Variants in HOOK1 observed in about 807,000 individuals in gnomAD.
HOOK1 encodes the protein hook microtubule tethering protein 1.
In HOOK1, 60 loss-of-function variants were observed where a neutral mutation model predicts 112.8. The ratio of observed to expected loss-of-function variants is 0.53; its 90% CI spans 0.43 to 0.66. The LOEUF is 0.66. HOOK1 is among the 30% of genes least tolerant of loss of function. HOOK1 has a pLI of 0.00. For synonymous variants in HOOK1, 294 were observed against 283.8 expected (o/e 1.04, Z -0.36); for missense variants, 770 against 856.0 (o/e 0.90, Z 1.25).
chr1:59,868,969 A>G (rs1331018520), intron 20 of HOOK1, among the ~76,000 whole-genome samples: 1 of 152,222 alleles, frequency 6.6e-6, no homozygotes, highest in African/African-American at 2.4e-5. Context: ...AGCCTTAGGT[A>G]AGTATGTCAC....
intron 2 of HOOK1, 52 bp downstream of exon 2, chr1:59,821,995 C>A: frequency 7.2e-7 from 1 of 1,392,412 alleles, no homozygotes; most frequent in Non-Finnish European, 1.0e-6. Context: ...CAATACATAC[C>A]AAGGAAGAAA....
intron 2 of HOOK1, 29 bp downstream of exon 2, chr1:59,821,972 A>T: frequency 1.3e-6 from 2 of 1,557,432 alleles, no homozygotes; most frequent in Non-Finnish European, 1.8e-6. Flanking sequence ...CTCCCTGAAA[A>T]GCATTGTAAA....
At chr1:59,827,018 G>GC (rs910978482) in intron 2 of HOOK1, among the ~76,000 whole-genome samples, 1 of 152,102 alleles carries the variant, frequency 6.6e-6, no homozygotes, top group Non-Finnish European at 1.5e-5. Context: ...GGCTGCCTCG[G>GC]CCCCCCAAAG....
chr1:59,858,846 A>G, intron 13 of HOOK1, 139 bp from the exon 14 acceptor site: 1 of 373,166 alleles, frequency 2.7e-6, no homozygotes, highest in Non-Finnish European at 4.9e-6. Flanking sequence ...AGGGGAGGGG[A>G]GCGGGGAATT....
At position 59,832,187 on chromosome 1, in the gene HOOK1, C is replaced by A; in HGVS notation, c.247C>A (p.Gln83Lys). 6.4e-7 allele frequency: 1 copy of A among 1,554,504 alleles called. No homozygotes were observed. ...IKASNVKKVL[Q>K]GIMSYYHEFL... Reference sequence around the variant, plus strand: ...GGCCAGTAATGTAAAGAAGGTCCTTCAAGGAATTATGAGTTATTATCATGA... The same window carrying A: ...GGCCAGTAATGTAAAGAAGGTCCTTAAAGGAATTATGAGTTATTATCATGA... Residue 83 changes from glutamine (Q) to lysine (K), a missense_variant, in exon 4 of 22, where the codon CAA becomes AAA. By Grantham distance (53) the Gln-to-Lys change is moderately conservative. Transcript: ENST00000371208.
chr1:59,815,422 T>A (rs1238033384), intron 1 of HOOK1: 4 of 554,838 alleles, frequency 7.2e-6, no homozygotes, highest in Non-Finnish European at 1.3e-5. Context: ...GTGGAGGCTC[T>A]GGTCTCAACC....
chr1:59,848,570 A>T, intron 11 of HOOK1, 54 bp downstream of exon 11: 1 of 1,227,956 alleles, frequency 8.1e-7, no homozygotes, highest in South Asian at 1.3e-5. Context: ...TAACTTTGTT[A>T]TTCCTTTTGA....
intron 6 of HOOK1, among the ~76,000 whole-genome samples, chr1:59,836,662 A>G (rs999963375): frequency 2.0e-5 from 3 of 152,166 alleles, no homozygotes; most frequent in Non-Finnish European, 4.4e-5. Context: ...TTAAAGCACA[A>G]TTTACTTATA....
chr1:59,841,185 A>G (rs755937354), intron 8 of HOOK1, among the ~76,000 whole-genome samples: 1 of 152,178 alleles, frequency 6.6e-6, no homozygotes, highest in African/African-American at 2.4e-5. Flanking sequence ...ACAAATGTGC[A>G]TATTATGCAA....
In HOOK1 at chr1:59,874,608, T is replaced by G. The variant is rs983009601; in HGVS notation, c.*1643T>G. 1 of 152,180 alleles carries G rather than the reference T, an allele frequency of 6.6e-6. No homozygotes were observed. The highest frequency in any genetic ancestry group is 1.5e-5 in the Non-Finnish European group (1 of 68,006). The allele number at this position is 152,180 out of a possible 1,614,324, so 9.4% of individuals were successfully genotyped here. On this transcript the variant is annotated 3_prime_UTR_variant, in exon 22 of 22. Coordinates refer to ENST00000371208, the MANE Select transcript of HOOK1 (RefSeq NM_015888.6). ...AGTACTCAACTCTGCCATTATAGAGTTAAAGCAGCCATACACAATATATAA... is the reference window on the plus strand; with the variant it reads ...AGTACTCAACTCTGCCATTATAGAGGTAAAGCAGCCATACACAATATATAA...
Position 59,821,899 on chromosome 1 carries a change from A to G in HOOK1, c.105A>G (p.Lys35=), listed in dbSNP as rs2098385964. 1 of 1,607,922 alleles carries G rather than the reference A, an allele frequency of 6.2e-7. No homozygotes were observed. ...FNTASPCQDV[K]QLTSGVAMAQ... is the part of the protein sequence containing the mutation. ...CTGCCTCACCTTGTCAAGATGTCAA[A>G]CAGCTGACTAGTGGAGTTGCCATGG... The change falls in exon 2 of 22, where the codon AAA becomes AAG. Residue 35 remains lysine, a synonymous_variant. Coordinates refer to ENST00000371208, the MANE Select transcript of HOOK1 (RefSeq NM_015888.6).
At chr1:59,847,235 T>G (rs2098404543) in intron 10 of HOOK1, 50 bp downstream of exon 10, 2 of 1,435,700 alleles carry the variant, frequency 1.4e-6, no homozygotes, top group South Asian at 2.5e-5. Context: ...AGCTATTTAG[T>G]CAATTTGAGT....
chr1:59,846,299 C>T (rs967209941), intron 9 of HOOK1, among the ~76,000 whole-genome samples: 3 of 151,510 alleles, frequency 2.0e-5, no homozygotes, highest in African/African-American at 7.3e-5. Context: ...CCTGATATTG[C>T]TTGGGTTTTC....
At chr1:59,835,848 T>C (rs1005761924) in intron 6 of HOOK1, among the ~76,000 whole-genome samples, 1 of 152,032 alleles carries the variant, frequency 6.6e-6, no homozygotes, top group African/African-American at 2.4e-5. Context: ...CGCTGATCTA[T>C]CAGCAGGTGG....
chr1:59,859,742 C>T (rs1264567519), intron 14 of HOOK1, among the ~76,000 whole-genome samples: 1 of 151,744 alleles, frequency 6.6e-6, no homozygotes, highest in African/African-American at 2.4e-5. Flanking sequence ...TTTCTTATTG[C>T]CATTATAAGG....
Position 59,843,526 on chromosome 1 carries a change from C to G in HOOK1, c.716C>G (p.Pro239Arg), listed in dbSNP as rs748360922. 1 of 1,609,490 alleles carries G rather than the reference C, an allele frequency of 6.2e-7. No homozygotes were observed. Among genetic ancestry groups the G allele is most frequent in the African/African-American group, 1.3e-5 (1 of 74,444 alleles). Residue 239 changes from proline to arginine, a missense_variant, in exon 9 of 22, where the codon CCA becomes CGA. By Grantham distance (103) the Pro-to-Arg change is moderately radical. This residue lies in a region of HOOK1 where 655 missense variants were observed against 725.9 expected (regional missense o/e 0.90). Transcript: ENST00000371208. ...CAGTTGGATGGCTCTTTTGATGATCCAAACACAGTGGTTGCAAAAAAGTAT... is the reference window on the plus strand; with the variant it reads ...CAGTTGGATGGCTCTTTTGATGATCGAAACACAGTGGTTGCAAAAAAGTAT... Reference protein sequence around the residue: ...LDQLDGSFDDPNTVVAKKYFH... With the variant: ...LDQLDGSFDDRNTVVAKKYFH...
rs1031654881 is a variant in HOOK1, at chr1:59,835,236, T to G, written c.407-109T>G. ...CTGGTGGACAAATAATGTATTTACA[T>G]AAAGGATTATCTGTGGGTAGATGAA... On this transcript the variant is annotated intron_variant, in intron 5 of 21. Transcript: ENST00000371208. The G allele has an allele frequency of 3.0e-5, 21 of 691,170 alleles. No individual in the cohort carries two copies. In the African/African-American group the frequency reaches 3.5e-4, roughly 12 times the overall value. The allele number at this position is 691,170 out of a possible 1,614,324, so 42.8% of individuals were successfully genotyped here. A position where few individuals can be genotyped will look rare whatever the true frequency, so the allele number is the denominator to read the frequency against.
chr1:59,836,469 T>G (rs762467305), intron 6 of HOOK1, among the ~76,000 whole-genome samples: 94 of 152,312 alleles, frequency 6.2e-4, no homozygotes, highest in Non-Finnish European at 8.5e-4. Flanking sequence ...TTTTTTCATA[T>G]AATCGTAACT....
At chr1:59,826,544 G>C (rs748645884) in intron 2 of HOOK1, among the ~76,000 whole-genome samples, 2 of 152,118 alleles carry the variant, frequency 1.3e-5, no homozygotes, top group Non-Finnish European at 2.9e-5. Flanking sequence ...AGGAATGTAA[G>C]ACAAAAGGAA....
Sources: gnomAD v4.1 joint callset for allele counts (sites outside exome capture counted in the v4.1 genomes callset) on GRCh38, gnomAD v4.1.1 for gene constraint, gnomAD v4.1.1 regional missense constraint, MANE v1.5 for transcripts, NCBI Gene and HGNC (gene_info 2026-07-23, HGNC 2026-07-21) for gene names.